MIA2: variants seen among roughly 807,000 people sequenced by gnomAD.
MIA2 encodes MIA SH3 domain ER export factor 2.
In MIA2, 127 loss-of-function variants were observed where a neutral mutation model predicts 167.8. The observed-to-expected ratio is 0.76, with a 90% confidence interval of 0.66 to 0.88. The LOEUF (loss-of-function observed/expected upper bound fraction) is 0.88. Ranked by LOEUF, MIA2 falls within the 40% of genes least tolerant of loss-of-function variation. The pLI is 0.00. For synonymous variants in MIA2, 552 were observed against 541.9 expected (o/e 1.02, Z -0.26); for missense variants, 1,690 against 1,624.7 (o/e 1.04, Z -0.69).
At chr14:39,335,482 T>A (rs939888081) in intron 25 of MIA2, among the ~76,000 whole-genome samples, 1 of 152,234 alleles carries the variant, frequency 6.6e-6, no homozygotes, top group African/African-American at 2.4e-5. Flanking sequence ...CATTTATTTT[T>A]GCACCGTTAA....
intron 9 of MIA2, among the ~76,000 whole-genome samples, chr14:39,290,130 T>G (rs1210828390): frequency 6.6e-6 from 1 of 152,176 alleles, no homozygotes; most frequent in Non-Finnish European, 1.5e-5. Context: ...TCATCTGACT[T>G]GGCAGGTCCT....
intron 13 of MIA2, among the ~76,000 whole-genome samples, chr14:39,296,338 A>T (rs1052400803): frequency 4.6e-5 from 7 of 151,870 alleles, no homozygotes; most frequent in African/African-American, 1.7e-4. Context: ...TTTTTCCTCA[A>T]AATTTTGACA....
chr14:39,300,358 T>C (rs911687199), intron 14 of MIA2, among the ~76,000 whole-genome samples: 6 of 152,192 alleles, frequency 3.9e-5, no homozygotes, highest in Non-Finnish European at 8.8e-5. Flanking sequence ...ATCTTTAATG[T>C]AACTGGTGTA....
At chr14:39,305,705 G>A (rs1425187389) in intron 17 of MIA2, among the ~76,000 whole-genome samples, 3 of 152,316 alleles carry the variant, frequency 2.0e-5, no homozygotes, top group African/African-American at 7.2e-5. Context: ...GGAGGCCAAC[G>A]TGGGTGGATC....
intron 9 of MIA2, among the ~76,000 whole-genome samples, chr14:39,285,031 T>C (rs1306110269): frequency 6.6e-6 from 1 of 152,184 alleles, no homozygotes; most frequent in Non-Finnish European, 1.5e-5. Context: ...TAACCCTGAG[T>C]GGACACAGCA....
chr14:39,322,583 A>G (rs187292948), intron 24 of MIA2, among the ~76,000 whole-genome samples: 10 of 150,412 alleles, frequency 6.6e-5, no homozygotes, highest in South Asian at 2.1e-4. Flanking sequence ...CCAAGCCACA[A>G]TTGTCTGCTG....
At chr14:39,349,402 A>G (rs1174321309) in intron 28 of MIA2, among the ~76,000 whole-genome samples, 1 of 152,216 alleles carries the variant, frequency 6.6e-6, no homozygotes, top group Non-Finnish European at 1.5e-5. Context: ...CTACTTATTT[A>G]AAACTTAAAA....
intron 6 of MIA2, among the ~76,000 whole-genome samples, chr14:39,271,072 C>A (rs2057055535): frequency 6.6e-6 from 1 of 152,118 alleles, no homozygotes; most frequent in African/African-American, 2.4e-5. Flanking sequence ...GTTATGCTTC[C>A]TTCTAAGAGT....
chr14:39,380,470 A>G (rs548461075), intron 23 of MIA2, among the ~76,000 whole-genome samples: 28 of 152,194 alleles, frequency 1.8e-4, no homozygotes, highest in Middle Eastern at 3.4e-3. Flanking sequence ...CAAGGAGGGC[A>G]GATCACGAGG....
Position 39,240,498 on chromosome 14 carries a change from G to T in MIA2, c.250-63G>T. The stretch of plus-strand genomic sequence containing the variant: ...AGCCAAGGACATGGGACAAAATTAG[G>T]TTCAATAATTATTATTGCTTTGATC... On this transcript the variant is annotated intron_variant, in intron 2 of 28. Transcript: ENST00000640607. The T allele has an allele frequency of 4.6e-6, 6 of 1,299,590 alleles. 1 individual carries two copies. The highest frequency in any genetic ancestry group is 5.5e-6 in the Non-Finnish European group (5 of 902,326). The allele number at this position is 1,299,590 out of a possible 1,614,324, so 80.5% of individuals were successfully genotyped here.
At chr14:39,326,810 A>T (rs2067649647) in intron 24 of MIA2, 54 bp from the exon 25 acceptor site, 1 of 1,495,896 alleles carries the variant, frequency 6.7e-7, no homozygotes, top group Non-Finnish European at 9.0e-7. Flanking sequence ...TAAAACAAGT[A>T]TATAAGACTT....
chr14:39,252,627 T>C (rs1026024229), intron 4 of MIA2, 121 bp from the exon 5 acceptor site: 72 of 664,122 alleles, frequency 1.1e-4, no homozygotes, highest in Non-Finnish European at 1.7e-4. Flanking sequence ...TGTCCTTTCT[T>C]TAACGAAGTA....
Position 39,314,838 on chromosome 14 carries a change from A to ATG in MIA2, c.3180+40_3180+41insGT, listed in dbSNP as rs750023969. 5 of 834,066 alleles carry ATG rather than the reference A, an allele frequency of 6.0e-6. 1 individual carries two copies. The highest frequency in any genetic ancestry group is 8.7e-6 in the Non-Finnish European group (5 of 577,598). The allele number at this position is 834,066 out of a possible 1,614,324, so 51.7% of individuals were successfully genotyped here. On this transcript the variant is annotated intron_variant, in intron 20 of 28. Coordinates refer to ENST00000640607, the MANE Select transcript of MIA2 (RefSeq NM_001329214.4). ...TGTGTGTGTGTGTGTGTGTGTGTGTATATATATATAATTTAAAACAATTCT... is the reference window on the plus strand; with the variant it reads ...TGTGTGTGTGTGTGTGTGTGTGTGTATGTATATATATAATTTAAAACAATTCT...
intron 3 of MIA2, among the ~76,000 whole-genome samples, chr14:39,245,434 T>A (rs1484329138): frequency 6.6e-6 from 1 of 152,166 alleles, no homozygotes; most frequent in African/African-American, 2.4e-5. Flanking sequence ...AGTTTATGAA[T>A]TTTTGTTGGG....
At chr14:39,263,078 A>C (rs983999892) in intron 6 of MIA2, among the ~76,000 whole-genome samples, 3 of 152,222 alleles carry the variant, frequency 2.0e-5, no homozygotes, top group African/African-American at 7.2e-5. Flanking sequence ...GAGAGAGGGC[A>C]TCCCTGTCTT....
intron 13 of MIA2, 68 bp downstream of exon 13, chr14:39,295,097 A>T: frequency 9.3e-7 from 1 of 1,078,690 alleles, no homozygotes; most frequent in Admixed American, 1.8e-5. Context: ...CATCCTCATG[A>T]CTGACCCATG....
At chr14:39,384,532 TTTTA>T (rs1266619011) in intron 23 of MIA2, among the ~76,000 whole-genome samples, 74 of 152,300 alleles carry the variant, frequency 4.9e-4, no homozygotes, top group Non-Finnish European at 2.1e-4. Flanking sequence ...TTCAATGTGG[TTTTA>T]TTTAAACGTG....
At chr14:39,306,984 A>G (rs954446363) in intron 17 of MIA2, among the ~76,000 whole-genome samples, 17 of 152,134 alleles carry the variant, frequency 1.1e-4, no homozygotes, top group African/African-American at 4.1e-4. Context: ...TATTTTATAG[A>G]TTTTTTTAAA....
At chr14:39,315,651 G>C in intron 20 of MIA2, 32 bp from the exon 21 acceptor site, 1 of 1,493,546 alleles carries the variant, frequency 6.7e-7, no homozygotes. Flanking sequence ...AAAAATAATG[G>C]TCAGTAGCAT....
Sources: gnomAD v4.1 joint callset for allele counts (sites outside exome capture counted in the v4.1 genomes callset) on GRCh38, gnomAD v4.1.1 for gene constraint, MANE v1.5 for transcripts, NCBI Gene and HGNC (gene_info 2026-07-23, HGNC 2026-07-21) for gene names.